Variants in CNTF observed in about 807,000 individuals in gnomAD.
The protein encoded by CNTF is ciliary neurotrophic factor, also known as Ciliary Neuronotrophic Factor.
A neutral mutation model predicts 13.0 loss-of-function variants in CNTF; 14 were observed. The ratio of observed to expected loss-of-function variants is 1.07; its 90% CI spans 0.71 to 1.68. CNTF has a LOEUF of 1.68. CNTF is among the 40% of genes most tolerant of loss of function. CNTF has a pLI of 0.00. For missense variants in CNTF, 283 were observed against 252.5 expected (o/e 1.12, Z -0.82); for synonymous variants, 98 against 92.4 (o/e 1.06, Z -0.35).
rs1335803746 is a variant in CNTF, at chr11:58,624,074, CTG to C, written c.156_157del (p.Ala53GlyfsTer9). 1 of 1,611,552 alleles carries C rather than the reference CTG, an allele frequency of 6.2e-7. No homozygotes were observed. Among genetic ancestry groups the C allele is most frequent in the Non-Finnish European group, 8.5e-7 (1 of 1,178,794 alleles). ...CTGAACAAGAACATCAACCTGGACT[CTG>C]CGGATGGGATGCCAGTGGCAAGCAC... is the stretch of plus-strand genomic sequence containing the variant. On this transcript the variant is annotated frameshift_variant, in exon 2 of 2. Coordinates refer to ENST00000361987, the MANE Select transcript of CNTF (RefSeq NM_000614.4). LOFTEE classifies it high-confidence loss of function.
rs776460188 is a variant in CNTF at position 58,624,144 on chromosome 11, G to T, written c.225G>T (p.Glu75Asp). The change falls in exon 2 of 2, where the codon GAG becomes GAT. Residue 75 changes from glutamate to aspartate, a missense_variant. Coordinates refer to ENST00000361987, the MANE Select transcript of CNTF (RefSeq NM_000614.4). ...SELTEAERLQ[E>D]NLQAYRTFHV... is the part of the protein sequence containing the mutation. Reference sequence around the variant, plus strand: ...TGACCGAGGCAGAGCGACTCCAAGAGAACCTTCAAGCTTATCGTACCTTCC... The same window carrying T: ...TGACCGAGGCAGAGCGACTCCAAGATAACCTTCAAGCTTATCGTACCTTCC... The T allele has an allele frequency of 6.2e-7, 1 of 1,613,866 alleles. No homozygotes were observed. Among genetic ancestry groups the T allele is most frequent in the South Asian group, 1.1e-5 (1 of 91,076 alleles).
At position 58,624,848 on chromosome 11, in the gene CNTF, C is replaced by T. The variant is rs964936988; in HGVS notation, c.*326C>T. The T allele has an allele frequency of 9.6e-6, 3 of 311,770 alleles. No homozygotes were observed. Among genetic ancestry groups the T allele is most frequent in the South Asian group, 3.4e-5 (1 of 29,588 alleles). The allele number at this position is 311,770 out of a possible 1,614,324, so 19.3% of individuals were successfully genotyped here. A position where few individuals can be genotyped will look rare whatever the true frequency, so the allele number is the denominator to read the frequency against. On this transcript the variant is annotated 3_prime_UTR_variant, in exon 2 of 2. Transcript: ENST00000361987. The stretch of plus-strand genomic sequence containing the variant: ...CTAACCTTTCTAACCCACTAAGTAA[C>T]CTCTACAGGCATTTAACTGCCTTAC...
Position 58,624,915 on chromosome 11 carries a change from G to T in CNTF, c.*393G>T. On this transcript the variant is annotated 3_prime_UTR_variant, in exon 2 of 2. Coordinates refer to ENST00000361987, the MANE Select transcript of CNTF (RefSeq NM_000614.4). The stretch of plus-strand genomic sequence containing the variant: ...TGTTAATTCTAGTCCTGGATGACTC[G>T]GTCTGAGAAGATTCAATTTAAAATC... 1 of 186,614 alleles carries T rather than the reference G, an allele frequency of 5.4e-6. No homozygotes were observed. The highest frequency in any genetic ancestry group is 1.1e-5 in the Non-Finnish European group (1 of 88,960). The allele number at this position is 186,614 out of a possible 1,614,324, so 11.6% of individuals were successfully genotyped here. A position where few individuals can be genotyped will look rare whatever the true frequency, so the allele number is the denominator to read the frequency against.
Position 58,624,452 on chromosome 11 carries a change from T to A in CNTF, c.533T>A (p.Phe178Tyr), listed in dbSNP as rs150652602. ...WTVRSIHDLR[F>Y]ISSHQTGIPA... is the part of the protein sequence containing the mutation. ...GTAAGGTCCATCCATGACCTTCGTT[T>A]CATTTCTTCTCATCAGACTGGGATC... The change falls in exon 2 of 2, where the codon TTC (phenylalanine) becomes TAC (tyrosine). Residue 178 changes from phenylalanine (F) to tyrosine (Y), a missense_variant. Transcript: ENST00000361987. 4 of 1,614,054 alleles carry A rather than the reference T, an allele frequency of 2.5e-6. No individual in the cohort carries two copies. Among genetic ancestry groups the A allele is most frequent in the Admixed American group, 1.7e-5 (1 of 60,004 alleles).
intron 1 of CNTF, 92 bp from the exon 2 acceptor site, chr11:58,623,942 A>T: frequency 6.6e-7 from 1 of 1,507,448 alleles, no homozygotes; most frequent in Non-Finnish European, 8.9e-7. Context: ...TTGGCCAGAG[A>T]GATGAGTGAG....
chr11:58,624,540 C>T lies in CNTF; in HGVS notation c.*18C>T. 6.2e-7 allele frequency: 1 copy of T among 1,612,030 alleles called. No homozygotes were observed. The highest frequency in any genetic ancestry group is 8.5e-7 in the Non-Finnish European group (1 of 1,179,850). ...AAATGTAGCAGTTAGTCCCTTCTCT[C>T]TTCCTTGCTTTCTCTTCTAATGGAA... On this transcript the variant is annotated 3_prime_UTR_variant, in exon 2 of 2. Transcript: ENST00000361987.
rs1417578948 is a variant in CNTF at position 58,625,367 on chromosome 11, G to A, written c.*845G>A. 1.3e-5 allele frequency: 2 copies of A among 152,148 alleles called. No homozygotes were observed. Among genetic ancestry groups the A allele is most frequent in the African/African-American group, 2.4e-5 (1 of 41,426 alleles). 9.4% of individuals were successfully genotyped at this position (152,148 alleles called of 1,614,324 possible). A position where few individuals can be genotyped will look rare whatever the true frequency, so the allele number is the denominator to read the frequency against. ...AGTCAGGATTTATTGTTCATACTTG[G>A]CGGTGAGGAGGGCAGCTGGAGATCT... On this transcript the variant is annotated 3_prime_UTR_variant, in exon 2 of 2. Transcript: ENST00000361987.
At position 58,624,439 on chromosome 11, in the gene CNTF, C is replaced by T. The variant is rs2134435758; in HGVS notation, c.520C>T (p.His174Tyr). Reference sequence around the variant, plus strand: ...TTCACAGTGGACAGTAAGGTCCATCCATGACCTTCGTTTCATTTCTTCTCA... The same window carrying T: ...TTCACAGTGGACAGTAAGGTCCATCTATGACCTTCGTTTCATTTCTTCTCA... Reference protein sequence around the residue: ...ELSQWTVRSIHDLRFISSHQT... With the variant: ...ELSQWTVRSIYDLRFISSHQT... Residue 174 changes from histidine (H) to tyrosine (Y), a missense_variant, in exon 2 of 2, where the codon CAT (histidine) becomes TAT (tyrosine). Transcript: ENST00000361987. 2 of 1,613,756 alleles carry T rather than the reference C, an allele frequency of 1.2e-6. No homozygotes were observed. The highest frequency in any genetic ancestry group is 2.2e-5 in the East Asian group (1 of 44,880).
chr11:58,624,352 A>G lies in CNTF; in HGVS notation c.433A>G (p.Asn145Asp). 1.2e-6 allele frequency: 2 copies of G among 1,613,776 alleles called. No individual in the cohort carries two copies. Among genetic ancestry groups the G allele is most frequent in the East Asian group, 2.2e-5 (1 of 44,874 alleles). Reference protein sequence around the residue: ...PRNEADGMPINVGDGGLFEKK... With the variant: ...PRNEADGMPIDVGDGGLFEKK... ...CAATGAGGCTGATGGGATGCCTATT[A>G]ATGTTGGAGATGGTGGTCTCTTTGA... The change falls in exon 2 of 2, where the codon AAT becomes GAT. Residue 145 changes from asparagine (N) to aspartate (D), a missense_variant. Transcript: ENST00000361987.
chr11:58,624,623 A>T lies in CNTF; in HGVS notation c.*101A>T. 7.0e-7 allele frequency: 1 copy of T among 1,422,920 alleles called. No homozygotes were observed. The highest frequency in any genetic ancestry group is 9.7e-7 in the Non-Finnish European group (1 of 1,029,282). 88.1% of individuals were successfully genotyped at this position (1,422,920 alleles called of 1,614,324 possible). On this transcript the variant is annotated 3_prime_UTR_variant, in exon 2 of 2. Transcript: ENST00000361987. ...TCTTAAATTTCTAAAAACAGTTAAG[A>T]CAACAGGCATTTTCTTTCTTTTTTC...
intron 1 of CNTF, 86 bp downstream of exon 1, chr11:58,622,952 A>G (rs547953871): frequency 1.4e-5 from 13 of 901,728 alleles, no homozygotes; most frequent in African/African-American, 1.1e-4. Context: ...TCCATTACCA[A>G]TTGTGAAAGC....
chr11:58,623,190 G>A (rs917681862), intron 1 of CNTF, among the ~76,000 whole-genome samples: 2 of 152,132 alleles, frequency 1.3e-5, no homozygotes, highest in African/African-American at 4.8e-5. Context: ...TGGGCCCTCT[G>A]GGTTCTTCAT....
intron 1 of CNTF, 52 bp downstream of exon 1, chr11:58,622,918 A>G: frequency 1.6e-6 from 2 of 1,280,360 alleles, no homozygotes; most frequent in East Asian, 2.4e-5. Context: ...TTTTTGATCC[A>G]GCAACTTACC....
rs1175072465 is a variant in CNTF, at chr11:58,624,714, C to G, written c.*192C>G. The G allele has an allele frequency of 1.6e-6, 1 of 610,422 alleles. No individual in the cohort carries two copies. The highest frequency in any genetic ancestry group is 2.8e-6 in the Non-Finnish European group (1 of 356,980). The allele number at this position is 610,422 out of a possible 1,614,324, so 37.8% of individuals were successfully genotyped here. A position where few individuals can be genotyped will look rare whatever the true frequency, so the allele number is the denominator to read the frequency against. ...CATCAAGTAGCGTTGGAGACATACA[C>G]AAATGGGCATACAAGTTTAGCCTGG... On this transcript the variant is annotated 3_prime_UTR_variant, in exon 2 of 2. Coordinates refer to ENST00000361987, the MANE Select transcript of CNTF (RefSeq NM_000614.4).
chr11:58,623,328 A>G lies in CNTF; in HGVS notation c.114+462A>G, dbSNP rs17152776. Among the ~76,000 whole-genome samples, 1,092 of 152,336 alleles carry G rather than the reference A, an allele frequency of 7.2e-3. 10 individuals carry two copies. The highest frequency in any genetic ancestry group is 0.024 in the Middle Eastern group (7 of 294). ...ATATAGCATTAGCCACCCACCTTTT[A>G]GTATTCTGCATCAAAAGTAGATTGT... On this transcript the variant is annotated intron_variant, in intron 1 of 1. Transcript: ENST00000361987.
chr11:58,623,908 T>C (rs34494093), intron 1 of CNTF, 126 bp from the exon 2 acceptor site: 3 of 1,309,452 alleles, frequency 2.3e-6, no homozygotes, highest in Non-Finnish European at 3.1e-6. Context: ...TGTAGACATA[T>C]TATTTACTTT....
In CNTF at chr11:58,625,227, A is replaced by G. The variant is rs1479839360; in HGVS notation, c.*705A>G. 1 of 152,268 alleles carries G rather than the reference A, an allele frequency of 6.6e-6. No homozygotes were observed. Among genetic ancestry groups the G allele is most frequent in the East Asian group, 1.9e-4 (1 of 5,198 alleles). 9.4% of individuals were successfully genotyped at this position (152,268 alleles called of 1,614,324 possible). ...CACTTTAGAGGCTTGATCATGAATC[A>G]CTGCACCTCTTTGTCACAGGGTGTT... On this transcript the variant is annotated 3_prime_UTR_variant, in exon 2 of 2. Transcript: ENST00000361987.
intron 1 of CNTF, 70 bp from the exon 2 acceptor site, chr11:58,623,964 A>T: frequency 6.4e-7 from 1 of 1,552,886 alleles, no homozygotes; most frequent in Non-Finnish European, 8.7e-7. Context: ...TTTTGTATGA[A>T]ATTTAGGGGT....
At position 58,624,618 on chromosome 11, in the gene CNTF, T is replaced by G. The variant is rs1009444795; in HGVS notation, c.*96T>G. On this transcript the variant is annotated 3_prime_UTR_variant, in exon 2 of 2. Transcript: ENST00000361987. ...TCCCATCTTAAATTTCTAAAAACAG[T>G]TAAGACAACAGGCATTTTCTTTCTT... 7 of 1,458,484 alleles carry G rather than the reference T, an allele frequency of 4.8e-6. No individual in the cohort carries two copies. The highest frequency in any genetic ancestry group is 1.4e-5 in the African/African-American group (1 of 71,538). The allele number at this position is 1,458,484 out of a possible 1,614,324, so 90.3% of individuals were successfully genotyped here.
Sources: gnomAD v4.1 joint callset for allele counts (sites outside exome capture counted in the v4.1 genomes callset) on GRCh38, gnomAD v4.1.1 for gene constraint, MANE v1.5 for transcripts, NCBI Gene and HGNC (gene_info 2026-07-23, HGNC 2026-07-21) for gene names.